KMT2D: variants seen among roughly 807,000 people sequenced by gnomAD.
KMT2D encodes the protein histone-lysine N-methyltransferase 2D.
In KMT2D, 55 loss-of-function variants were observed where a neutral mutation model predicts 512.7. That is an observed-to-expected ratio of 0.11 (90% CI 0.09 to 0.13). The LOEUF is 0.13. Among genes scored for constraint, KMT2D ranks in the 10% least tolerant of loss-of-function variants. The probability of loss-of-function intolerance (pLI) is 1.00; values close to 1 mark genes in which losing one functional copy is unlikely to be tolerated. For synonymous variants in KMT2D, 2,995 were observed against 2,904.0 expected, an observed-to-expected ratio of 1.03 and a Z score of -1.01; for missense variants, 6,061 against 7,127.9, an observed-to-expected ratio of 0.85 and a Z score of 5.39.
rs2120556408 is a variant in KMT2D at position 49,042,554 on chromosome 12, C to A, written c.5867+7G>T. ...ACTGCCCACAAAGGTTACGCAGAGA[C>A]ACCAACCTAGAATCCAGGAACGGGG... On this transcript the variant is annotated splice_region_variant and intron_variant, in intron 28 of 54. Transcript: ENST00000301067. The surrounding 1 kb of genome is among the most constrained non-coding windows in gnomAD (Gnocchi z 4.4). The A allele has an allele frequency of 6.2e-7, 1 of 1,613,414 alleles. No individual in the cohort carries two copies. The highest frequency in any genetic ancestry group is 8.5e-7 in the Non-Finnish European group (1 of 1,179,524).
chr12:49,039,115 A>C lies in KMT2D; in HGVS notation c.8366+107T>G. ...AGAAAAGGAATGAGGAAGAAGAGAAAGTGATACTGGAAAAGGATTAGTGAT... is the reference window on the plus strand; with the variant it reads ...AGAAAAGGAATGAGGAAGAAGAGAACGTGATACTGGAAAAGGATTAGTGAT... On this transcript the variant is annotated intron_variant, in intron 34 of 54. Transcript: ENST00000301067. The surrounding 1 kb of genome is among the most constrained non-coding windows in gnomAD (Gnocchi z 5.0). 1.3e-6 allele frequency: 2 copies of C among 1,534,702 alleles called. No homozygotes were observed. The highest frequency in any genetic ancestry group is 2.3e-5 in the South Asian group (2 of 88,150).
At chr12:49,055,245 T>G (rs1303764958) in intron 2 of KMT2D, 31 bp downstream of exon 2, 2 of 1,612,738 alleles carry the variant, frequency 1.2e-6, no homozygotes, top group Non-Finnish European at 1.7e-6. Flanking sequence ...CAATGAAATC[T>G]AAAAGCAAAC....
At chr12:49,048,212 G>A (rs760729756) in intron 14 of KMT2D, 143 bp from the exon 15 acceptor site, 3 of 579,538 alleles carry the variant, frequency 5.2e-6, no homozygotes, top group Non-Finnish European at 9.2e-6. Flanking sequence ...AAGCTACCAA[G>A]GGACCCTGCT....
In KMT2D at chr12:49,050,232, C is replaced by T. The variant is rs1478949274; in HGVS notation, c.3356G>A (p.Gly1119Glu). Residue 1119 changes from glycine (G) to glutamate (E), a missense_variant, in exon 12 of 55, where the codon GGG becomes GAG. This residue lies in a region of KMT2D where 447 missense variants were observed against 500.1 expected (regional missense o/e 0.89). Transcript: ENST00000301067. ...CCCATCCAGAGGGGCTGTGTCTTCCCCTAGGCCAGAGAAGTCATCCAGGGC... is the reference window on the plus strand; with the variant it reads ...CCCATCCAGAGGGGCTGTGTCTTCCTCTAGGCCAGAGAAGTCATCCAGGGC... ...APALDDFSGL[G>E]EDTAPLDGID... 1 of 1,613,568 alleles carries T rather than the reference C, an allele frequency of 6.2e-7. No individual in the cohort carries two copies. The highest frequency in any genetic ancestry group is 8.5e-7 in the Non-Finnish European group (1 of 1,179,718).
In KMT2D at chr12:49,031,299, G is replaced by T. The variant is rs1942897601; in HGVS notation, c.13406C>A (p.Ala4469Glu). The T allele has an allele frequency of 6.2e-7, 1 of 1,613,472 alleles. No individual in the cohort carries two copies. The change falls in exon 40 of 55, where the codon GCA (alanine) becomes GAA (glutamate). Residue 4469 changes from alanine (A) to glutamate (E), a missense_variant. Physicochemically the swap from Ala to Glu is moderately radical, Grantham distance 107. Transcript: ENST00000301067. ...GHLLLQKLLR[A>E]KNVQLSTGRG... ...CCCAGTGCTGAGTTGCACATTCTTT[G>T]CCCGGAGTAGCTTCTGCAAGAGCAG...
Position 49,049,142 on chromosome 12 carries a change from C to G in KMT2D, c.3983G>C (p.Arg1328Pro). ...AATGGAAGAAGCAGTTGACTTTAGC[C>G]GGGCCCGTCCTCTACCACGTCCTCC... is the stretch of plus-strand genomic sequence containing the variant. The part of the protein sequence containing the change: ...AHGGRGRGRA[R>P]LKSTASSIET... The change falls in exon 13 of 55, where the codon CGG becomes CCG. Residue 1328 changes from arginine (R) to proline (P), a missense_variant. This residue lies in a region of KMT2D where 447 missense variants were observed against 500.1 expected (regional missense o/e 0.89). Transcript: ENST00000301067. 2 of 1,611,734 alleles carry G rather than the reference C, an allele frequency of 1.2e-6. No individual in the cohort carries two copies. Among genetic ancestry groups the G allele is most frequent in the Non-Finnish European group, 1.7e-6 (2 of 1,178,706 alleles).
intron 1 of KMT2D, among the ~76,000 whole-genome samples, chr12:49,057,821 A>G (rs112240315): frequency 7.4e-4 from 112 of 152,318 alleles, no homozygotes; most frequent in African/African-American, 2.6e-3. Flanking sequence ...GTAGTGTCTC[A>G]CCAGGCTTTC....
At chr12:49,034,973 C>T (rs1943144601) in intron 35 of KMT2D, 38 bp from the exon 36 acceptor site, 1 of 1,609,758 alleles carries the variant, frequency 6.2e-7, no homozygotes, top group Admixed American at 1.7e-5. Context: ...GGCTATGGGG[C>T]CAATGCTCCA....
Position 49,046,528 on chromosome 12 carries a change from G to T in KMT2D, c.4418+81C>A. The T allele has an allele frequency of 6.4e-7, 1 of 1,574,660 alleles. No individual in the cohort carries two copies. The highest frequency in any genetic ancestry group is 1.3e-5 in the African/African-American group (1 of 74,242). On this transcript the variant is annotated intron_variant, in intron 16 of 54. Transcript: ENST00000301067. This position sits in a 1 kb window ranked among gnomAD's most constrained non-coding sequence, Gnocchi z 4.2. ...CCACCAGCCTGGCCTCCTAAACCCA[G>T]CCTCTGTCACATACTCAACATCATA... is the stretch of plus-strand genomic sequence containing the variant.
rs772434248 is a variant in KMT2D at position 49,032,140 on chromosome 12, C to T, written c.12565G>A (p.Gly4189Arg). 5 of 1,613,624 alleles carry T rather than the reference C, an allele frequency of 3.1e-6. No homozygotes were observed. ...LQSGQGLPGVGIMPTVGQLRA... is the reference protein window; with the variant it reads ...LQSGQGLPGVRIMPTVGQLRA... ...AGCTGACCCACCGTAGGCATGATTC[C>T]AACCCCAGGCAGACCCTGCCCAGAC... Residue 4189 changes from glycine (G) to arginine (R), a missense_variant, in exon 40 of 55, where the codon GGA becomes AGA. This residue lies in a region of KMT2D where 1,600 missense variants were observed against 1,754.9 expected (regional missense o/e 0.91). Transcript: ENST00000301067.
At position 49,050,563 on chromosome 12, in the gene KMT2D, C is replaced by A. The variant is rs551523882; in HGVS notation, c.3025G>T (p.Val1009Leu). The change falls in exon 12 of 55, where the codon GTG becomes TTG. Residue 1009 changes from valine to leucine, a missense_variant. By Grantham distance (32) the Val-to-Leu change is conservative. This residue lies in a region of KMT2D where 447 missense variants were observed against 500.1 expected (regional missense o/e 0.89). Transcript: ENST00000301067. Reference sequence around the variant, plus strand: ...ATCAGGATGGGAGAAGCCGGCCCCACTGGGGAGCCTGGAGATGGGGGAAGG... The same window carrying A: ...ATCAGGATGGGAGAAGCCGGCCCCAATGGGGAGCCTGGAGATGGGGGAAGG... The part of the protein sequence containing the change: ...MILPPSPGSP[V>L]GPASPILMEP... 3 of 1,603,638 alleles carry A rather than the reference C, an allele frequency of 1.9e-6. No individual in the cohort carries two copies. Among genetic ancestry groups the A allele is most frequent in the East Asian group, 4.5e-5 (2 of 44,638 alleles).
In KMT2D at chr12:49,042,446, G is replaced by C; in HGVS notation, c.5867+115C>G. The C allele has an allele frequency of 6.6e-7, 1 of 1,513,536 alleles. No homozygotes were observed. The highest frequency in any genetic ancestry group is 2.4e-5 in the East Asian group (1 of 40,846). 93.8% of individuals were successfully genotyped at this position (1,513,536 alleles called of 1,614,324 possible). ...CCAAAAGAGGAGGGTCACTAACAAG[G>C]GAATGGGGAGGAGCAGGGGAAGTGC... On this transcript the variant is annotated intron_variant, in intron 28 of 54. Transcript: ENST00000301067. The surrounding 1 kb of genome is among the most constrained non-coding windows in gnomAD (Gnocchi z 4.4).
rs1344640285 is a variant in KMT2D, at chr12:49,050,680, C to T, written c.2908G>A (p.Glu970Lys). 2 of 1,613,578 alleles carry T rather than the reference C, an allele frequency of 1.2e-6. No homozygotes were observed. Among genetic ancestry groups the T allele is most frequent in the South Asian group, 2.2e-5 (2 of 91,060 alleles). Reference sequence around the variant, plus strand: ...AGGATGGGGGCAGCCAACGGTGACTCAGGGTCACTGTCCCCTTTGGCACCA... The same window carrying T: ...AGGATGGGGGCAGCCAACGGTGACTTAGGGTCACTGTCCCCTTTGGCACCA... The part of the protein sequence containing the change: ...PFGAKGDSDP[E>K]SPLAAPILET... The change falls in exon 12 of 55, where the codon GAG (glutamate) becomes AAG (lysine). Residue 970 changes from glutamate to lysine, a missense_variant. By Grantham distance (56) the Glu-to-Lys change is moderately conservative. Around this residue, in one of 16 missense-constraint regions of KMT2D, gnomAD observed 848 missense variants for 838.5 expected, o/e 1.01. Coordinates refer to ENST00000301067, the MANE Select transcript of KMT2D (RefSeq NM_003482.4).
rs574277537 is a variant in KMT2D, at chr12:49,052,528, G to C, written c.1258+36C>G. 23 of 1,606,744 alleles carry C rather than the reference G, an allele frequency of 1.4e-5. No individual in the cohort carries two copies. The South Asian group carries it at 2.5e-4, about 18-fold the overall frequency. ...AACTGTCTCTTGCCATAGAATAAAAGGGGATGAATTTCAGGGACCCTCAAA... is the reference window on the plus strand; with the variant it reads ...AACTGTCTCTTGCCATAGAATAAAACGGGATGAATTTCAGGGACCCTCAAA... On this transcript the variant is annotated intron_variant, in intron 10 of 54. Transcript: ENST00000301067.
intron 25 of KMT2D, 78 bp from the exon 26 acceptor site, chr12:49,043,264 C>A: frequency 6.5e-7 from 1 of 1,547,786 alleles, no homozygotes; most frequent in Non-Finnish European, 8.9e-7. Context: ...GGCCATGGGA[C>A]AGTTTCCAGC....
chr12:49,040,263 C>A lies in KMT2D; in HGVS notation c.7507G>T (p.Ala2503Ser), dbSNP rs1943444457. ...GGGACCTTGGCATGGAGCTCACCTG[C>A]TGGCCCCGCGGGCAGGGCTGCTGGG... is the stretch of plus-strand genomic sequence containing the variant. ...GFPAALPAGP[A>S]GELHAKVPSG... is the part of the protein sequence containing the mutation. Residue 2503 changes from alanine (A) to serine (S), a missense_variant, in exon 32 of 55, where the codon GCA becomes TCA. This residue lies in a region of KMT2D where 710 missense variants were observed against 647.3 expected (regional missense o/e 1.10). Coordinates refer to ENST00000301067, the MANE Select transcript of KMT2D (RefSeq NM_003482.4). The A allele has an allele frequency of 6.2e-7, 1 of 1,611,228 alleles. No homozygotes were observed. Among genetic ancestry groups the A allele is most frequent in the African/African-American group, 1.3e-5 (1 of 74,872 alleles).
Position 49,049,030 on chromosome 12 carries a change from T to C in KMT2D, c.4020+75A>G, listed in dbSNP as rs2304275. 0.28 allele frequency: 262,597 copies of C among 931,160 alleles called. 40,286 individuals are homozygous for C. The highest frequency in any genetic ancestry group is 0.38 in the East Asian group (14,826 of 38,646). 57.7% of individuals were successfully genotyped at this position (931,160 alleles called of 1,614,324 possible). ...AGACGAGCAGGCAGGTAGGCAAGCA[T>C]GCAAGGGACTGGCAGGACTCAGAGG... On this transcript the variant is annotated intron_variant, in intron 13 of 54. Coordinates refer to ENST00000301067, the MANE Select transcript of KMT2D (RefSeq NM_003482.4).
At position 49,051,252 on chromosome 12, in the gene KMT2D, C is replaced by A. The variant is rs2120666471; in HGVS notation, c.2431G>T (p.Glu811Ter). The A allele has an allele frequency of 6.5e-7, 1 of 1,536,676 alleles. No homozygotes were observed. Among genetic ancestry groups the A allele is most frequent in the Non-Finnish European group, 8.8e-7 (1 of 1,141,626 alleles). The change falls in exon 11 of 55, where the codon GAG becomes TAG. Residue 811 changes from glutamate (E) to a stop codon, truncating the protein, a stop_gained. Transcript: ENST00000301067. LOFTEE classifies it high-confidence loss of function. The part of the protein sequence containing the change: ...PEELHLSPQT[E>*]EPHLSPVPEE... Reference sequence around the variant, plus strand: ...GGCACAGGAGACAGGTGCGGCTCCTCAGTCTGGGGGGACAGGTGCAATTCC... The same window carrying A: ...GGCACAGGAGACAGGTGCGGCTCCTAAGTCTGGGGGGACAGGTGCAATTCC...
rs201316651 is a variant in KMT2D at position 49,038,462 on chromosome 12, T to C, written c.8894A>G (p.Asn2965Ser). 28 of 1,608,570 alleles carry C rather than the reference T, an allele frequency of 1.7e-5. No individual in the cohort carries two copies. In the East Asian group the frequency reaches 3.8e-4, roughly 22 times the overall value. The part of the protein sequence containing the change: ...PTLPTGLELV[N>S]RPPSSTELGR... ...AAGCTCAGTGCTCGACGGGGGCCGGTTGACCAGCTCCAAACCAGTTGGCAG... is the reference window on the plus strand; with the variant it reads ...AAGCTCAGTGCTCGACGGGGGCCGGCTGACCAGCTCCAAACCAGTTGGCAG... The change falls in exon 35 of 55, where the codon AAC becomes AGC. Residue 2965 changes from asparagine (N) to serine (S), a missense_variant. Asn to Ser is a conservative substitution (Grantham distance 46). Transcript: ENST00000301067. This position sits in a 1 kb window ranked among gnomAD's most constrained non-coding sequence, Gnocchi z 5.7.
Sources: allele counts gnomAD v4.1 joint callset (sites outside exome capture counted in the v4.1 genomes callset), GRCh38; gene constraint gnomAD v4.1.1; regional missense constraint gnomAD v4.1.1; non-coding constraint Gnocchi (gnomAD v3.1); transcripts MANE v1.5; gene names NCBI Gene and HGNC (gene_info 2026-07-23, HGNC 2026-07-21).